Variants in LRPPRC observed in about 807,000 individuals in gnomAD.
The protein encoded by LRPPRC is leucine-rich PPR motif-containing protein, mitochondrial.
In LRPPRC, 120 loss-of-function variants were observed where a neutral mutation model predicts 180.3. The ratio of observed to expected loss-of-function variants is 0.67; its 90% CI spans 0.57 to 0.77. LRPPRC has a LOEUF of 0.77. Ranked by LOEUF, LRPPRC falls within the 30% of genes least tolerant of loss-of-function variation. The pLI is 0.00. For missense variants in LRPPRC, 2,012 were observed against 1,657.2 expected (o/e 1.21, Z -3.72); for synonymous variants, 723 against 600.0 (o/e 1.21, Z -3.00).
chr2:43,973,915 TCAC>T lies in LRPPRC; in HGVS notation c.1156-18_1156-16del. 6.8e-7 allele frequency: 1 copy of T among 1,475,306 alleles called. No homozygotes were observed. The highest frequency in any genetic ancestry group is 9.5e-7 in the Non-Finnish European group (1 of 1,053,870). The allele number at this position is 1,475,306 out of a possible 1,614,324, so 91.4% of individuals were successfully genotyped here. On this transcript the variant is annotated splice_polypyrimidine_tract_variant and intron_variant, in intron 9 of 37. Transcript: ENST00000260665. The stretch of plus-strand genomic sequence containing the variant: ...TTCTCCACAGGCTGTGGGAAAAAAG[TCAC>T]CACATTAGCTGGATTGGCAAACACC...
intron 31 of LRPPRC, chr2:43,901,767 T>C (rs1326113182): frequency 2.0e-6 from 1 of 502,200 alleles, no homozygotes; most frequent in South Asian, 2.3e-5. Context: ...AAAATACAAA[T>C]GTTACCGACA....
chr2:43,949,631 C>T lies in LRPPRC; in HGVS notation c.1706G>A (p.Arg569His), dbSNP rs762974687. 7.4e-6 allele frequency: 12 copies of T among 1,613,872 alleles called. No individual in the cohort carries two copies. Among genetic ancestry groups the T allele is most frequent in the South Asian group, 1.1e-5 (1 of 91,050 alleles). The stretch of plus-strand genomic sequence containing the variant: ...CGGTCCTCGAGGCTCCTGGCAATAA[C>T]GTCCATCCTTGTACAACAATTCTGT... ...EITELLYKDG[R>H]YCQEPRGPTE... Residue 569 changes from arginine to histidine, a missense_variant, in exon 16 of 38, where the codon CGT becomes CAT. By Grantham distance (29) the Arg-to-His change is conservative (BLOSUM62 0). Coordinates refer to ENST00000260665, the MANE Select transcript of LRPPRC (RefSeq NM_133259.4).
chr2:43,969,497 T>C (rs1478509671), intron 11 of LRPPRC, among the ~76,000 whole-genome samples: 1 of 152,100 alleles, frequency 6.6e-6, no homozygotes, highest in Non-Finnish European at 1.5e-5. Flanking sequence ...ATGTTTTTCC[T>C]GCAATCAGAA....
chr2:43,963,118 T>A (rs1360817278), intron 12 of LRPPRC, among the ~76,000 whole-genome samples: 1 of 152,192 alleles, frequency 6.6e-6, no homozygotes, highest in Non-Finnish European at 1.5e-5. Context: ...CTATAAATGT[T>A]ATACCAACTA....
intron 25 of LRPPRC, among the ~76,000 whole-genome samples, chr2:43,927,310 G>A (rs1016761862): frequency 7.9e-5 from 12 of 152,222 alleles, no homozygotes; most frequent in East Asian, 1.9e-4. Context: ...ATTGTACAAC[G>A]TTAAATTAAG....
intron 14 of LRPPRC, among the ~76,000 whole-genome samples, chr2:43,955,677 C>T (rs938442365): frequency 7.2e-5 from 11 of 151,868 alleles, no homozygotes; most frequent in Non-Finnish European, 1.6e-4. Flanking sequence ...GAGGTAAAGG[C>T]TGCAGTAGGC....
rs1672667804 is a variant in LRPPRC at position 43,946,015 on chromosome 2, G to C, written c.2210+98C>G. On this transcript the variant is annotated intron_variant, in intron 21 of 37. Coordinates refer to ENST00000260665, the MANE Select transcript of LRPPRC (RefSeq NM_133259.4). ...TGACAACAAAAGAATTTTTAAAAAT[G>C]ACATTATATAAGAGAGTAATATTCC... 1.6e-5 allele frequency: 20 copies of C among 1,258,928 alleles called. No homozygotes were observed. The Admixed American group carries it at 3.5e-4, about 22-fold the overall frequency. The allele number at this position is 1,258,928 out of a possible 1,614,324, so 78.0% of individuals were successfully genotyped here. A position where few individuals can be genotyped will look rare whatever the true frequency, so the allele number is the denominator to read the frequency against.
intron 14 of LRPPRC, among the ~76,000 whole-genome samples, chr2:43,953,770 T>C (rs575420499): frequency 1.3e-5 from 2 of 152,216 alleles, no homozygotes; most frequent in Non-Finnish European, 2.9e-5. Context: ...AATTCAGTTA[T>C]AGTATACATA....
At chr2:43,948,542 C>T (rs778929942) in intron 16 of LRPPRC, 24 bp from the exon 17 acceptor site, 3 of 1,155,122 alleles carry the variant, frequency 2.6e-6, no homozygotes, top group Non-Finnish European at 3.9e-6. Flanking sequence ...CAAGAGAAAG[C>T]ATTCCACTAA....
chr2:43,905,979 T>C (rs934222339), intron 30 of LRPPRC, among the ~76,000 whole-genome samples, 199 bp from the exon 31 acceptor site: 6 of 152,196 alleles, frequency 3.9e-5, no homozygotes, highest in African/African-American at 9.7e-5. Flanking sequence ...TTCTGACAGA[T>C]GACAAAGTTG....
Position 43,899,076 on chromosome 2 carries a change from C to T in LRPPRC, c.3825+143G>A, listed in dbSNP as rs182233884. 2.7e-4 allele frequency: 185 copies of T among 691,480 alleles called. 1 individual carries two copies. The Middle Eastern group carries it at 3.3e-3, about 12-fold the overall frequency. The allele number at this position is 691,480 out of a possible 1,614,324, so 42.8% of individuals were successfully genotyped here. On this transcript the variant is annotated intron_variant, in intron 34 of 37. Coordinates refer to ENST00000260665, the MANE Select transcript of LRPPRC (RefSeq NM_133259.4). The stretch of plus-strand genomic sequence containing the variant: ...TACCATCCAGTCCTTGTCCTGCAAC[C>T]GTGATTCACACTGAATGTAAACAAG...
chr2:43,984,482 C>T (rs573665014), intron 1 of LRPPRC, among the ~76,000 whole-genome samples: 38 of 152,126 alleles, frequency 2.5e-4, no homozygotes, highest in Admixed American at 1.2e-3. Context: ...TTACTGCAGC[C>T]GAGTCTCCTT....
In LRPPRC at chr2:43,924,499, A is replaced by T. The variant is rs1307510972; in HGVS notation, c.2896+568T>A. ...ATGGAAATCTATTCACAAACCCAGT[A>T]ATAGGAGATGATAGGCTGAATAAAT... On this transcript the variant is annotated intron_variant, in intron 27 of 37. Transcript: ENST00000260665. Among the ~76,000 whole-genome samples the T allele has an allele frequency of 2.0e-5, 3 of 152,346 alleles. No homozygotes were observed. In the East Asian group the frequency reaches 5.8e-4, roughly 29 times the overall value.
At chr2:43,996,251 G>T (rs943636213), upstream of LRPPRC, among the ~76,000 whole-genome samples, 2 of 152,194 alleles carry the variant, frequency 1.3e-5, no homozygotes, top group African/African-American at 2.4e-5. Flanking sequence ...TGGTAGAGCC[G>T]CAAGAGGTCA....
rs555573048 is a variant in LRPPRC at position 43,890,228 on chromosome 2, A to T, written c.3986-352T>A. The T allele has an allele frequency of 3.4e-5, 14 of 413,298 alleles. No homozygotes were observed. In the East Asian group the frequency reaches 8.1e-4, roughly 24 times the overall value. 25.6% of individuals were successfully genotyped at this position (413,298 alleles called of 1,614,324 possible). ...AGTTATAAAATAATACACACCATTC[A>T]ATCCCCTTTGGCTTAAAACCACTGT... is the stretch of plus-strand genomic sequence containing the variant. On this transcript the variant is annotated intron_variant, in intron 36 of 37. Coordinates refer to ENST00000260665, the MANE Select transcript of LRPPRC (RefSeq NM_133259.4).
At chr2:43,904,410 AG>A (rs1347428797) in intron 31 of LRPPRC, 2 of 151,758 alleles carry the variant, frequency 1.3e-5, no homozygotes, top group Non-Finnish European at 2.9e-5. Flanking sequence ...ATAAACATGC[AG>A]GCCGGGCGTG....
chr2:43,944,020 T>C (rs1454908227), intron 22 of LRPPRC, 126 bp from the exon 23 acceptor site: 1 of 706,632 alleles, frequency 1.4e-6, no homozygotes, highest in African/African-American at 1.8e-5. Context: ...TTCAAGTTAA[T>C]TACTACTTGC....
rs772179277 is a variant in LRPPRC, at chr2:43,901,430, A to G, written c.3459T>C (p.Gly1153=). 6.2e-7 allele frequency: 1 copy of G among 1,613,518 alleles called. No individual in the cohort carries two copies. Among genetic ancestry groups the G allele is most frequent in the South Asian group, 1.1e-5 (1 of 91,072 alleles). ...TRVIQALAMK[G]DVENIEVVQK... ...GAACTACTTCTATGTTTTCAACATC[A>G]CCCTTCATGGCCAATGCCTGGATGA... The change falls in exon 32 of 38, where the codon GGT becomes GGC. Residue 1153 remains glycine, a synonymous_variant. Coordinates refer to ENST00000260665, the MANE Select transcript of LRPPRC (RefSeq NM_133259.4).
At chr2:43,934,946 TAG>T in intron 23 of LRPPRC, 68 bp from the exon 24 acceptor site, 2 of 1,313,328 alleles carry the variant, frequency 1.5e-6, no homozygotes, top group Non-Finnish European at 2.2e-6. Context: ...AGTAATACTT[TAG>T]AGAGATGTTT....
Sources: gnomAD v4.1 joint callset for allele counts (sites outside exome capture counted in the v4.1 genomes callset) on GRCh38, gnomAD v4.1.1 for gene constraint, MANE v1.5 for transcripts, NCBI Gene and HGNC (gene_info 2026-07-23, HGNC 2026-07-21) for gene names.